PEX1: variants seen among roughly 807,000 people sequenced by gnomAD.
The protein encoded by PEX1 is peroxisomal ATPase PEX1.
In PEX1, 97 loss-of-function variants were observed where a neutral mutation model predicts 152.5. That is an observed-to-expected ratio of 0.64 (90% CI 0.54 to 0.75). The LOEUF (loss-of-function observed/expected upper bound fraction) is 0.75. Among genes scored for constraint, PEX1 ranks in the 30% least tolerant of loss-of-function variants. The pLI, the probability that PEX1 is intolerant of heterozygous loss-of-function variation, is 0.00. For missense variants in PEX1, 1,357 were observed against 1,516.3 expected (o/e 0.89, Z 1.74); for synonymous variants, 485 against 531.6 (o/e 0.91, Z 1.21).
At chr7:92,525,357 G>A (rs992638557) in intron 1 of PEX1, among the ~76,000 whole-genome samples, 2 of 152,176 alleles carry the variant, frequency 1.3e-5, no homozygotes, top group East Asian at 3.8e-4. Flanking sequence ...CAAAGCCTAG[G>A]GTATCTCTTG....
In PEX1 at chr7:92,517,873, T is replaced by G. The variant is rs760441307; in HGVS notation, c.642A>C (p.Gln214His). The G allele has an allele frequency of 1.3e-6, 2 of 1,543,424 alleles. No homozygotes were observed. The highest frequency in any genetic ancestry group is 1.7e-6 in the Non-Finnish European group (2 of 1,151,576). ...RDQKGMMKEL[Q>H]TKQLQSNTVG... is the part of the protein sequence containing the mutation. ...CAGTATTTGACTGAAGTTGCTTGGT[T>G]TGAAGTTCTTTCATCATTCCTTTCT... The change falls in exon 5 of 24, where the codon CAA becomes CAC. Residue 214 changes from glutamine (Q) to histidine (H), a missense_variant. Physicochemically the swap from Gln to His is conservative, Grantham distance 24 (BLOSUM62 0). Transcript: ENST00000248633.
chr7:92,499,297 G>C (rs1404195986), intron 16 of PEX1, among the ~76,000 whole-genome samples: 1 of 152,148 alleles, frequency 6.6e-6, no homozygotes, highest in Non-Finnish European at 1.5e-5. Flanking sequence ...ATAGTCAAAA[G>C]GTAGAAACAA....
chr7:92,504,977 A>G (rs1349409797), intron 11 of PEX1, 75 bp from the exon 12 acceptor site: 16 of 1,070,636 alleles, frequency 1.5e-5, no homozygotes, highest in Non-Finnish European at 2.2e-5. Context: ...TTTTGAAAGC[A>G]CTAGAAAAGC....
In PEX1 at chr7:92,487,514, C is replaced by A; in HGVS notation, c.3795G>T (p.Arg1265Ser). ...ELYESFQNPK[R>S]RKNQSGTMFR... ...ACATTGTTCCACTTTGATTTTTTCT[C>A]CTCTTTGGATTTTGAAAGCTTTCAT... The change falls in exon 24 of 24, where the codon AGG becomes AGT. Residue 1265 changes from arginine to serine, a missense_variant. Transcript: ENST00000248633. 1 of 1,589,614 alleles carries A rather than the reference C, an allele frequency of 6.3e-7. No individual in the cohort carries two copies. Among genetic ancestry groups the A allele is most frequent in the Non-Finnish European group, 8.6e-7 (1 of 1,160,448 alleles).
chr7:92,528,256 C>T (rs992742439), intron 1 of PEX1, 51 bp downstream of exon 1: 46 of 1,543,906 alleles, frequency 3.0e-5, no homozygotes, highest in Non-Finnish European at 3.9e-5. Flanking sequence ...GAGGCTTCGG[C>T]CTCGTCCGAC....
chr7:92,508,007 T>G (rs1353932616), intron 9 of PEX1, among the ~76,000 whole-genome samples: 1 of 151,862 alleles, frequency 6.6e-6, no homozygotes, highest in Non-Finnish European at 1.5e-5. Context: ...TTTGCCCTAA[T>G]AGAACTCCTT....
chr7:92,516,225 A>T (rs1288357985), intron 5 of PEX1, among the ~76,000 whole-genome samples: 5 of 152,058 alleles, frequency 3.3e-5, no homozygotes, highest in African/African-American at 1.2e-4. Flanking sequence ...CAGGAGTTCC[A>T]GACCAGGCTG....
intron 11 of PEX1, among the ~76,000 whole-genome samples, chr7:92,505,527 TA>T (rs1449742092): frequency 6.6e-6 from 1 of 151,708 alleles, no homozygotes; most frequent in Non-Finnish European, 1.5e-5. Context: ...TACAACAAAA[TA>T]AAAAAAGTAG....
chr7:92,527,638 C>T (rs1336015797), intron 1 of PEX1, among the ~76,000 whole-genome samples: 1 of 152,230 alleles, frequency 6.6e-6, no homozygotes, highest in African/African-American at 2.4e-5. Flanking sequence ...TACACTCAAA[C>T]TCGTGAGACC....
At position 92,493,399 on chromosome 7, in the gene PEX1, T is replaced by C. The variant is rs1037760076; in HGVS notation, c.3031-270A>G. 26 of 199,942 alleles carry C rather than the reference T, an allele frequency of 1.3e-4. No homozygotes were observed. The Admixed American group carries it at 1.4e-3, about 11-fold the overall frequency. 12.4% of individuals were successfully genotyped at this position (199,942 alleles called of 1,614,324 possible). A position where few individuals can be genotyped will look rare whatever the true frequency, so the allele number is the denominator to read the frequency against. On this transcript the variant is annotated intron_variant, in intron 19 of 23. Transcript: ENST00000248633. ...CCTGTAATCCCAACACTTTGGGAGG[T>C]TGAGGTGGGAGGATCACTTGAGCCC...
At chr7:92,492,655 T>A (rs954764159) in intron 20 of PEX1, among the ~76,000 whole-genome samples, 2 of 152,238 alleles carry the variant, frequency 1.3e-5, no homozygotes, top group Non-Finnish European at 2.9e-5. Flanking sequence ...ACTCTAATTA[T>A]TTTTGTTTGT....
intron 12 of PEX1, among the ~76,000 whole-genome samples, chr7:92,503,992 G>A (rs961339369): frequency 6.6e-6 from 1 of 151,938 alleles, no homozygotes; most frequent in Non-Finnish European, 1.5e-5. Flanking sequence ...ATTACTTCCT[G>A]TACCTCTGTG....
intron 16 of PEX1, among the ~76,000 whole-genome samples, chr7:92,498,069 A>G (rs1211327739): frequency 1.3e-4 from 16 of 121,236 alleles, no homozygotes; most frequent in African/African-American, 2.5e-4. Flanking sequence ...AGTCTCAGAG[A>G]AAAAAAAAAA....
At chr7:92,492,884 T>G in intron 20 of PEX1, 69 bp downstream of exon 20, 1 of 1,226,352 alleles carries the variant, frequency 8.2e-7, no homozygotes, top group East Asian at 2.3e-5. Flanking sequence ...TTTTTTAAGG[T>G]GGAAATTTTG....
rs780349018 is a variant in PEX1 at position 92,513,922 on chromosome 7, C to T, written c.1285G>A (p.Val429Ile). ...ACTTCCACTGGAGTTATCCTGACTA[C>T]GGCATGCATTTCTATATTTAGTCTC... ...RKRLNIEMHA[V>I]VRITPVEVTP... The change falls in exon 6 of 24, where the codon GTA (valine) becomes ATA (isoleucine). Residue 429 changes from valine to isoleucine, a missense_variant. Physicochemically the swap from Val to Ile is conservative, Grantham distance 29 (BLOSUM62 3). Transcript: ENST00000248633. 2.0e-5 allele frequency: 32 copies of T among 1,590,700 alleles called. No homozygotes were observed. The highest frequency in any genetic ancestry group is 1.7e-4 in the South Asian group (15 of 90,246).
chr7:92,494,257 T>C, intron 19 of PEX1, 36 bp downstream of exon 19: 2 of 1,420,288 alleles, frequency 1.4e-6, no homozygotes, highest in South Asian at 1.2e-5. Flanking sequence ...AGTGTAGCAT[T>C]TGTTGGGTTT....
rs1354262822 is a variant in PEX1, at chr7:92,494,719, T to C, written c.2784-90A>G. On this transcript the variant is annotated intron_variant, in intron 17 of 23. Transcript: ENST00000248633. Reference sequence around the variant, plus strand: ...TACATATATGAATGTATTTATTTTATGTATTTATATATATTTATATACTTC... The same window carrying C: ...TACATATATGAATGTATTTATTTTACGTATTTATATATATTTATATACTTC... 1.5e-5 allele frequency: 14 copies of C among 949,852 alleles called. No individual in the cohort carries two copies. In the East Asian group the frequency reaches 3.3e-4, roughly 22 times the overall value. The allele number at this position is 949,852 out of a possible 1,614,324, so 58.8% of individuals were successfully genotyped here.
At chr7:92,515,304 G>A (rs1345822606) in intron 5 of PEX1, among the ~76,000 whole-genome samples, 1 of 148,270 alleles carries the variant, frequency 6.7e-6, no homozygotes, top group Non-Finnish European at 1.5e-5. Context: ...TAACAATCAA[G>A]TTTCCTGTTT....
At chr7:92,497,941 G>A (rs983772704) in intron 16 of PEX1, among the ~76,000 whole-genome samples, 3 of 151,240 alleles carry the variant, frequency 2.0e-5, no homozygotes, top group Non-Finnish European at 2.9e-5. Flanking sequence ...GGTGGCAGGC[G>A]CCTGTAATCC....
Sources: allele counts gnomAD v4.1 joint callset (sites outside exome capture counted in the v4.1 genomes callset), GRCh38; gene constraint gnomAD v4.1.1; transcripts MANE v1.5; gene names NCBI Gene and HGNC (gene_info 2026-07-23, HGNC 2026-07-21).